The following LYN variants were observed in gnomAD, a reference collection of about 807,000 sequenced individuals.
LYN encodes the protein LYN proto-oncogene, Src family tyrosine kinase, also known as tyrosine-protein kinase Lyn.
LYN carries 12 observed loss-of-function variants against 65.0 expected under a neutral mutation model. The observed-to-expected ratio is 0.18, with a 90% confidence interval of 0.12 to 0.30. The LOEUF is 0.30. Among genes scored for constraint, LYN ranks in the 10% least tolerant of loss-of-function variants. LYN has a pLI of 1.00. For synonymous variants in LYN, 222 were observed against 221.2 expected, an observed-to-expected ratio of 1.00 and a Z score of -0.03; for missense variants, 380 against 623.2, an observed-to-expected ratio of 0.61 and a Z score of 4.16.
intron 1 of LYN, among the ~76,000 whole-genome samples, chr8:55,909,765 G>A (rs1255787857): frequency 1.3e-5 from 2 of 152,072 alleles, no homozygotes; most frequent in Admixed American, 6.6e-5. Flanking sequence ...AATATCTATT[G>A]ACTTCTTGTT....
At chr8:55,958,072 A>G (rs1718602403) in intron 8 of LYN, among the ~76,000 whole-genome samples, 1 of 152,186 alleles carries the variant, frequency 6.6e-6, no homozygotes, top group African/African-American at 2.4e-5. Flanking sequence ...GCAGGAAGTC[A>G]GGAGCTAGGC....
intron 8 of LYN, among the ~76,000 whole-genome samples, chr8:55,956,996 A>G (rs1466739423): frequency 6.6e-5 from 10 of 152,222 alleles, no homozygotes; most frequent in Admixed American, 5.9e-4. Flanking sequence ...GAGAGGCATT[A>G]CTGTGATCAT....
intron 7 of LYN, among the ~76,000 whole-genome samples, chr8:55,953,603 G>A (rs1210287589): frequency 2.6e-5 from 4 of 151,916 alleles, no homozygotes; most frequent in Admixed American, 6.6e-5. Flanking sequence ...AGCCAAGATC[G>A]CCCATTGCAC....
chr8:55,952,011 A>G lies in LYN; in HGVS notation c.533A>G (p.Asp178Gly). ...SVRDFDPVHGDVIKHYKIRSL... is the reference protein window; with the variant it reads ...SVRDFDPVHGGVIKHYKIRSL... Reference sequence around the variant, plus strand: ...AGAGACTTTGACCCTGTGCATGGTGATGTTATTAAGCACTACAAAATTAGA... The same window carrying G: ...AGAGACTTTGACCCTGTGCATGGTGGTGTTATTAAGCACTACAAAATTAGA... The change falls in exon 7 of 13, where the codon GAT becomes GGT. Residue 178 changes from aspartate to glycine, a missense_variant. Around this residue, in one of 2 missense-constraint regions of LYN, gnomAD observed 223 missense variants for 430.0 expected, o/e 0.52. Coordinates refer to ENST00000519728, the MANE Select transcript of LYN (RefSeq NM_002350.4). 6.2e-7 allele frequency: 1 copy of G among 1,612,306 alleles called. No individual in the cohort carries two copies. The highest frequency in any genetic ancestry group is 1.3e-5 in the African/African-American group (1 of 74,912).
rs375511334 is a variant in LYN at position 55,952,151 on chromosome 8, T to G, written c.637+36T>G. 27 of 1,537,650 alleles carry G rather than the reference T, an allele frequency of 1.8e-5. No individual in the cohort carries two copies. The African/African-American group carries it at 3.5e-4, about 20-fold the overall frequency. ...ACTGAAGGTTCAACAAGACAAGATA[T>G]ATTTGTTATGATATGTATAAGACGT... On this transcript the variant is annotated intron_variant, in intron 7 of 12. Coordinates refer to ENST00000519728, the MANE Select transcript of LYN (RefSeq NM_002350.4).
At chr8:55,930,459 A>G (rs1367174730) in intron 1 of LYN, among the ~76,000 whole-genome samples, 1 of 152,212 alleles carries the variant, frequency 6.6e-6, no homozygotes, top group African/African-American at 2.4e-5. Context: ...TTGATGTTTA[A>G]TAACTCTCCT....
chr8:55,973,904 G>C (rs961494846), intron 10 of LYN, among the ~76,000 whole-genome samples: 4 of 152,212 alleles, frequency 2.6e-5, no homozygotes, highest in African/African-American at 9.7e-5. Flanking sequence ...AATGTGGCAA[G>C]AATCTGTCTC....
intron 10 of LYN, among the ~76,000 whole-genome samples, chr8:55,979,332 G>A (rs1007711451): frequency 6.6e-6 from 1 of 152,172 alleles, no homozygotes; most frequent in Non-Finnish European, 1.5e-5. Context: ...GTCAGCCACC[G>A]TGCCCAGCCT....
chr8:56,007,647 A>T (rs1191646915), intron 12 of LYN, among the ~76,000 whole-genome samples: 1 of 152,184 alleles, frequency 6.6e-6, no homozygotes, highest in Non-Finnish European at 1.5e-5. Context: ...TCCTTAGATG[A>T]AAAAAGGTAA....
In LYN at chr8:56,012,113, C is replaced by T. The variant is rs909904396; in HGVS notation, c.*2003C>T. On this transcript the variant is annotated 3_prime_UTR_variant, in exon 13 of 13. Coordinates refer to ENST00000519728, the MANE Select transcript of LYN (RefSeq NM_002350.4). ...CAATCAAGCCTGTGATCCTTACCTC[C>T]ATGTGGGCCCTTCACCAGCTTGGGC... 32 of 191,184 alleles carry T rather than the reference C, an allele frequency of 1.7e-4. No homozygotes were observed. Among genetic ancestry groups the T allele is most frequent in the African/African-American group, 6.7e-4 (29 of 42,984 alleles). The allele number at this position is 191,184 out of a possible 1,614,324, so 11.8% of individuals were successfully genotyped here.
At chr8:55,997,834 C>A (rs1808415709) in intron 10 of LYN, among the ~76,000 whole-genome samples, 1 of 152,184 alleles carries the variant, frequency 6.6e-6, no homozygotes, top group South Asian at 2.1e-4. Context: ...CCTGTAATCC[C>A]AGCACTTTGG....
chr8:55,955,165 C>G (rs1036793280), intron 8 of LYN: 6 of 152,276 alleles, frequency 3.9e-5, no homozygotes, highest in African/African-American at 1.2e-4. Flanking sequence ...CCAGGTTTTC[C>G]CTCTACAGTC....
In LYN at chr8:56,009,987, CTATGACAT is replaced by C; in HGVS notation, c.1422_1429del (p.Asp474GlufsTer15). ...GTGTGGAGAACTGCCCAGATGAGCT[CTATGACAT>C]TATGAAAATGTGCTGGAAAGAAAAG... On this transcript the variant is annotated frameshift_variant, in exon 13 of 13. Coordinates refer to ENST00000519728, the MANE Select transcript of LYN (RefSeq NM_002350.4). LOFTEE classifies it high-confidence loss of function. The C allele has an allele frequency of 6.2e-7, 1 of 1,614,074 alleles. No individual in the cohort carries two copies. The highest frequency in any genetic ancestry group is 8.5e-7 in the Non-Finnish European group (1 of 1,179,970).
At chr8:55,900,994 C>G (rs1805245080) in intron 1 of LYN, among the ~76,000 whole-genome samples, 1 of 152,038 alleles carries the variant, frequency 6.6e-6, no homozygotes, top group Non-Finnish European at 1.5e-5. Context: ...CACATAGCCC[C>G]TTTCCTGTTC....
rs780866069 is a variant in LYN at position 55,966,651 on chromosome 8, A to G, written c.791-64A>G. 5.0e-4 allele frequency: 737 copies of G among 1,470,252 alleles called. 1 individual carries two copies. The highest frequency in any genetic ancestry group is 6.0e-4 in the Non-Finnish European group (642 of 1,070,526). The allele number at this position is 1,470,252 out of a possible 1,614,324, so 91.1% of individuals were successfully genotyped here. On this transcript the variant is annotated intron_variant, in intron 8 of 12. Transcript: ENST00000519728. ...CCAAAGTGCTGGGATTATAGGTGTGAGCCACCTCCCCCGGCTAGATTTTCT... is the reference window on the plus strand; with the variant it reads ...CCAAAGTGCTGGGATTATAGGTGTGGGCCACCTCCCCCGGCTAGATTTTCT...
chr8:55,979,481 C>T (rs867553696), intron 10 of LYN, among the ~76,000 whole-genome samples: 2 of 152,182 alleles, frequency 1.3e-5, no homozygotes, highest in Non-Finnish European at 2.9e-5. Flanking sequence ...TCTTCGCCTA[C>T]CCTCGGAGCA....
chr8:55,977,291 A>C (rs900091255), intron 10 of LYN, among the ~76,000 whole-genome samples: 31 of 152,256 alleles, frequency 2.0e-4, no homozygotes, highest in Non-Finnish European at 3.8e-4. Flanking sequence ...TCTGTACAAA[A>C]TAAAAATGCT....
chr8:55,900,268 G>A (rs921435694), intron 1 of LYN, among the ~76,000 whole-genome samples: 5 of 152,218 alleles, frequency 3.3e-5, no homozygotes, highest in Non-Finnish European at 7.3e-5. Flanking sequence ...AGCATGATGA[G>A]TGTCAAGCCA....
chr8:55,960,964 A>G (rs774931672), intron 8 of LYN, among the ~76,000 whole-genome samples: 4 of 152,150 alleles, frequency 2.6e-5, no homozygotes, highest in Non-Finnish European at 5.9e-5. Context: ...GGATTGTCCT[A>G]TTCCCAGGGA....
Sources: allele counts gnomAD v4.1 joint callset (sites outside exome capture counted in the v4.1 genomes callset), GRCh38; gene constraint gnomAD v4.1.1; regional missense constraint gnomAD v4.1.1; transcripts MANE v1.5; gene names NCBI Gene and HGNC (gene_info 2026-07-23, HGNC 2026-07-21).